Variants in HDLBP observed in about 807,000 individuals in gnomAD.
HDLBP encodes vigilin.
A neutral mutation model predicts 137.3 loss-of-function variants in HDLBP; 30 were observed. That is an observed-to-expected ratio of 0.22 (90% confidence interval 0.16 to 0.30). The LOEUF is 0.30. Ranked by LOEUF, HDLBP falls within the 10% of genes least tolerant of loss-of-function variation. The probability of loss-of-function intolerance (pLI) is 1.00; values close to 1 mark genes in which losing one functional copy is unlikely to be tolerated. For missense variants in HDLBP, 1,119 were observed against 1,667.3 expected (o/e 0.67, Z 5.73); for synonymous variants, 606 against 596.0 (o/e 1.02, Z -0.24).
rs1015675792 is a variant in HDLBP at position 241,233,629 on chromosome 2, C to T, written c.3288+191G>A. ...CCAGGCCCCAGATGATACATAGTGC[C>T]AGAGACCTCACCCATCTGGCAAGTA... is the stretch of plus-strand genomic sequence containing the variant. On this transcript the variant is annotated intron_variant, in intron 24 of 27. Coordinates refer to ENST00000310931, the MANE Select transcript of HDLBP (RefSeq NM_005336.6). The surrounding 1 kb of genome is among the most constrained non-coding windows in gnomAD (Gnocchi z 4.3). Among the ~76,000 whole-genome samples, 1 of 152,152 alleles carries T rather than the reference C, an allele frequency of 6.6e-6. No homozygotes were observed. The highest frequency in any genetic ancestry group is 6.5e-5 in the Admixed American group (1 of 15,282).
intron 1 of HDLBP, among the ~76,000 whole-genome samples, chr2:241,295,617 C>A (rs2075149080): frequency 6.6e-6 from 1 of 152,182 alleles, no homozygotes. Flanking sequence ...CTGTGATAGG[C>A]TGAAAAATGG....
At chr2:241,269,284 T>A (rs1223394280) in intron 1 of HDLBP, 2 of 151,830 alleles carry the variant, frequency 1.3e-5, no homozygotes, top group Non-Finnish European at 2.9e-5. Flanking sequence ...CTGACAGGAG[T>A]GAGGCATGTG....
chr2:241,269,236 G>A (rs945008596), intron 1 of HDLBP: 6 of 152,160 alleles, frequency 3.9e-5, no homozygotes, highest in Admixed American at 2.0e-4. Context: ...GGAGGCTGGC[G>A]ACCACATGTG....
intron 16 of HDLBP, among the ~76,000 whole-genome samples, chr2:241,245,434 C>T (rs2149431975): frequency 6.6e-6 from 1 of 152,284 alleles, no homozygotes; most frequent in East Asian, 1.9e-4. Context: ...CCACCTGAGC[C>T]TCCCAAAGTG....
chr2:241,264,734 A>T (rs1242581282), intron 3 of HDLBP, 129 bp from the exon 4 acceptor site: 3 of 841,582 alleles, frequency 3.6e-6, no homozygotes, highest in Non-Finnish European at 5.5e-6. Flanking sequence ...AACTCCCCCC[A>T]CCCCTCTCTT....
chr2:241,280,360 A>G (rs1366236299), intron 1 of HDLBP, among the ~76,000 whole-genome samples: 1 of 152,194 alleles, frequency 6.6e-6, no homozygotes, highest in African/African-American at 2.4e-5. Context: ...ATTACAGTAT[A>G]TATTATTACA....
At chr2:241,270,458 TTTTG>T (rs1226338972) in intron 1 of HDLBP, among the ~76,000 whole-genome samples, 23 of 152,320 alleles carry the variant, frequency 1.5e-4, no homozygotes, top group African/African-American at 5.5e-4. Context: ...TCAAACAACA[TTTTG>T]TTTTTCTTCT....
chr2:241,293,108 C>A (rs2075059881), intron 1 of HDLBP, among the ~76,000 whole-genome samples: 1 of 152,130 alleles, frequency 6.6e-6, no homozygotes, highest in African/African-American at 2.4e-5. Context: ...GTGAATCAAA[C>A]TTGTAAACTT....
chr2:241,257,521 G>A (rs1288041667), intron 5 of HDLBP, among the ~76,000 whole-genome samples: 1 of 152,154 alleles, frequency 6.6e-6, no homozygotes, highest in Non-Finnish European at 1.5e-5. Flanking sequence ...GTGAGCCACT[G>A]CGCCTGGCCA....
At position 241,238,465 on chromosome 2, in the gene HDLBP, G is replaced by A; in HGVS notation, c.2749+184C>T. 1 of 465,900 alleles carries A rather than the reference G, an allele frequency of 2.1e-6. No homozygotes were observed. The highest frequency in any genetic ancestry group is 2.0e-5 in the African/African-American group (1 of 50,960). The allele number at this position is 465,900 out of a possible 1,614,324, so 28.9% of individuals were successfully genotyped here. ...TGAAGGTCACCTGGTCACTCTGTCA[G>A]TAACTGACGTGGTCCATCTTTTAAA... On this transcript the variant is annotated intron_variant, in intron 20 of 27. Coordinates refer to ENST00000310931, the MANE Select transcript of HDLBP (RefSeq NM_005336.6). The surrounding 1 kb of genome is among the most constrained non-coding windows in gnomAD (Gnocchi z 4.9).
At chr2:241,250,025 C>T in intron 11 of HDLBP, 45 bp from the exon 12 acceptor site, 1 of 1,555,816 alleles carries the variant, frequency 6.4e-7, no homozygotes. Context: ...AGACCAACAA[C>T]ATTCTGCCAA....
In HDLBP at chr2:241,272,443, G is replaced by T; in HGVS notation, c.-102-3902C>A. The T allele has an allele frequency of 2.0e-6, 2 of 984,748 alleles. No individual in the cohort carries two copies. Among genetic ancestry groups the T allele is most frequent in the South Asian group, 4.7e-5 (1 of 21,288 alleles). 61.0% of individuals were successfully genotyped at this position (984,748 alleles called of 1,614,324 possible). On this transcript the variant is annotated intron_variant, in intron 1 of 27. Coordinates refer to ENST00000310931, the MANE Select transcript of HDLBP (RefSeq NM_005336.6). The surrounding 1 kb of genome is among the most constrained non-coding windows in gnomAD (Gnocchi z 5.6). Reference sequence around the variant, plus strand: ...ACCGAAGCCCCGGGAGGAGGCGGGGGAGCCCAGCTTGCAGCCAAGAGCGGC... The same window carrying T: ...ACCGAAGCCCCGGGAGGAGGCGGGGTAGCCCAGCTTGCAGCCAAGAGCGGC...
At position 241,240,095 on chromosome 2, in the gene HDLBP, G is replaced by A. The variant is rs754903566; in HGVS notation, c.2197C>T (p.Arg733Cys). ...AATTTGTGGTATTCTGGCTTGGCGC[G>A]GATGTCAACAGTGAAACTCTTGGTT... ...KQTKSFTVDIRAKPEYHKFLI... is the reference protein window; with the variant it reads ...KQTKSFTVDICAKPEYHKFLI... The change falls in exon 18 of 28, where the codon CGC becomes TGC. Residue 733 changes from arginine to cysteine, a missense_variant. Physicochemically the swap from Arg to Cys is radical, Grantham distance 180. This residue lies in a region of HDLBP where 618 missense variants were observed against 816.7 expected (regional missense o/e 0.76). Transcript: ENST00000310931. This position sits in a 1 kb window ranked among gnomAD's most constrained non-coding sequence, Gnocchi z 5.5. 14 of 1,614,156 alleles carry A rather than the reference G, an allele frequency of 8.7e-6. No homozygotes were observed. The highest frequency in any genetic ancestry group is 2.2e-5 in the East Asian group (1 of 44,876).
chr2:241,272,296 T>A lies in HDLBP; in HGVS notation c.-102-3755A>T, dbSNP rs1278652815. Reference sequence around the variant, plus strand: ...GCTGGCCTCCCAGGGACCCCCACCCTGGCCGCACACGGCGCCCCCGCCGGA... The same window carrying A: ...GCTGGCCTCCCAGGGACCCCCACCCAGGCCGCACACGGCGCCCCCGCCGGA... On this transcript the variant is annotated intron_variant, in intron 1 of 27. Coordinates refer to ENST00000310931, the MANE Select transcript of HDLBP (RefSeq NM_005336.6). This position sits in a 1 kb window ranked among gnomAD's most constrained non-coding sequence, Gnocchi z 5.6. 1.0e-6 allele frequency: 1 copy of A among 979,180 alleles called. No individual in the cohort carries two copies. Among genetic ancestry groups the A allele is most frequent in the Non-Finnish European group, 1.2e-6 (1 of 826,248 alleles). 60.7% of individuals were successfully genotyped at this position (979,180 alleles called of 1,614,324 possible).
At position 241,258,264 on chromosome 2, in the gene HDLBP, G is replaced by A. The variant is rs976411097; in HGVS notation, c.451-1458C>T. 4.7e-5 allele frequency among the ~76,000 whole-genome samples: 7 copies of A among 150,120 alleles called. No homozygotes were observed. The South Asian group carries it at 6.4e-4, about 14-fold the overall frequency. On this transcript the variant is annotated intron_variant, in intron 5 of 27. Coordinates refer to ENST00000310931, the MANE Select transcript of HDLBP (RefSeq NM_005336.6). The stretch of plus-strand genomic sequence containing the variant: ...CGGGAGGCTGAGGCAGGCGAATGGC[G>A]TGAACCCGGGAGGCGGAGCTTGCAG...
At chr2:241,249,815 C>G in intron 12 of HDLBP, 26 bp downstream of exon 12, 3 of 1,580,808 alleles carry the variant, frequency 1.9e-6, no homozygotes, top group Non-Finnish European at 2.6e-6. Context: ...CAGTGCCTTT[C>G]TAGAGGGCCC....
chr2:241,242,446 C>T lies in HDLBP; in HGVS notation c.2169+14G>A, dbSNP rs2071336423. The T allele has an allele frequency of 1.2e-6, 2 of 1,608,920 alleles. No homozygotes were observed. The highest frequency in any genetic ancestry group is 8.5e-7 in the Non-Finnish European group (1 of 1,175,930). ...GGCTTCCTGCCAAGAGTCACGCTCC[C>T]TCCCCATGCTCACCTTCTCCTCCGC... On this transcript the variant is annotated intron_variant, in intron 17 of 27. Transcript: ENST00000310931.
In HDLBP at chr2:241,229,546, T is replaced by G; in HGVS notation, c.*55A>C. 1.6e-6 allele frequency: 2 copies of G among 1,272,984 alleles called. No individual in the cohort carries two copies. The highest frequency in any genetic ancestry group is 2.3e-6 in the Non-Finnish European group (2 of 876,646). 78.9% of individuals were successfully genotyped at this position (1,272,984 alleles called of 1,614,324 possible). On this transcript the variant is annotated 3_prime_UTR_variant, in exon 28 of 28. Transcript: ENST00000310931. ...CGCTGGGTCAGATTGAGACAAACCA[T>G]TGTGTGGTTGGGTTTGGGTCAGCAG...
intron 1 of HDLBP, among the ~76,000 whole-genome samples, chr2:241,298,348 AGAGT>A (rs2075262874): frequency 1.3e-5 from 2 of 152,046 alleles, no homozygotes; most frequent in African/African-American, 4.8e-5. Context: ...CCTGGGCGAC[AGAGT>A]GAGACTCAGT....
Sources: allele counts gnomAD v4.1 joint callset (sites outside exome capture counted in the v4.1 genomes callset), GRCh38; gene constraint gnomAD v4.1.1; regional missense constraint gnomAD v4.1.1; non-coding constraint Gnocchi (gnomAD v3.1); transcripts MANE v1.5; gene names NCBI Gene and HGNC (gene_info 2026-07-23, HGNC 2026-07-21).